EYA2: variants seen among roughly 807,000 people sequenced by gnomAD.
EYA2 encodes EYA transcriptional coactivator and phosphatase 2, also known as protein phosphatase EYA2.
In EYA2, 31 loss-of-function variants were observed where a neutral mutation model predicts 69.2. The ratio of observed to expected loss-of-function variants is 0.45; its 90% CI spans 0.34 to 0.60. The LOEUF (loss-of-function observed/expected upper bound fraction) is 0.60, where lower values mean the gene tolerates loss of function less well. Among genes scored for constraint, EYA2 ranks in the 20% least tolerant of loss-of-function variants. The pLI is 0.02. For synonymous variants in EYA2, 257 were observed against 279.4 expected (o/e 0.92, Z 0.80); for missense variants, 622 against 701.2 (o/e 0.89, Z 1.28).
chr20:47,044,380 A>C (rs762002070), intron 5 of EYA2, among the ~76,000 whole-genome samples: 4 of 152,234 alleles, frequency 2.6e-5, no homozygotes, highest in Admixed American at 2.0e-4. Flanking sequence ...CTAGAGATGC[A>C]TCTGTGGACA....
At chr20:46,960,498 G>T (rs142637637) in intron 1 of EYA2, among the ~76,000 whole-genome samples, 8 of 152,084 alleles carry the variant, frequency 5.3e-5, no homozygotes, top group African/African-American at 9.7e-5. Context: ...ATTCCCATTG[G>T]TGGATGAGGA....
intron 5 of EYA2, among the ~76,000 whole-genome samples, chr20:47,057,520 C>A (rs1033900966): frequency 6.6e-6 from 1 of 151,082 alleles, no homozygotes; most frequent in African/African-American, 2.4e-5. Context: ...ACCCCCCCCC[C>A]CCATCTCATA....
chr20:46,905,433 A>G (rs1173361839), intron 1 of EYA2, among the ~76,000 whole-genome samples: 1 of 152,234 alleles, frequency 6.6e-6, no homozygotes, highest in East Asian at 1.9e-4. Context: ...TTTCAATAGC[A>G]TCCTTCATCC....
At chr20:46,936,301 C>A (rs1233971241) in intron 1 of EYA2, among the ~76,000 whole-genome samples, 1 of 152,088 alleles carries the variant, frequency 6.6e-6, no homozygotes, top group East Asian at 1.9e-4. Context: ...CAAAACCCTG[C>A]CTGTACTAAA....
At position 47,118,215 on chromosome 20, in the gene EYA2, C is replaced by T. The variant is rs559989239; in HGVS notation, c.888+21047C>T. Among the ~76,000 whole-genome samples, 19 of 152,356 alleles carry T rather than the reference C, an allele frequency of 1.2e-4. No individual in the cohort carries two copies. The South Asian group carries it at 3.9e-3, about 32-fold the overall frequency. Reference sequence around the variant, plus strand: ...TTTCTTTCCCCCACTGGGGGTTAAACCTTGTATTTAAATCTCTCTTCCCCC... The same window carrying T: ...TTTCTTTCCCCCACTGGGGGTTAAATCTTGTATTTAAATCTCTCTTCCCCC... On this transcript the variant is annotated intron_variant, in intron 9 of 15. Coordinates refer to ENST00000327619, the MANE Select transcript of EYA2 (RefSeq NM_005244.5).
At chr20:47,155,368 G>A (rs1345911092) in intron 10 of EYA2, among the ~76,000 whole-genome samples, 1 of 151,956 alleles carries the variant, frequency 6.6e-6, no homozygotes, top group African/African-American at 2.4e-5. Flanking sequence ...TTCTAGAAAA[G>A]ACATGTTACT....
At chr20:47,001,561 C>T (rs1304178244) in intron 3 of EYA2, 88 bp downstream of exon 3, 1 of 1,371,222 alleles carries the variant, frequency 7.3e-7, no homozygotes, top group African/African-American at 1.4e-5. Context: ...GCCCTGGAGC[C>T]AGATTCCCTG....
chr20:46,962,263 G>A (rs1441935982), intron 1 of EYA2, among the ~76,000 whole-genome samples: 1 of 152,140 alleles, frequency 6.6e-6, no homozygotes, highest in Non-Finnish European at 1.5e-5. Flanking sequence ...TTGGTCTCAA[G>A]CGATCCTCCT....
At chr20:47,129,825 G>A (rs1177363530) in intron 9 of EYA2, among the ~76,000 whole-genome samples, 4 of 152,202 alleles carry the variant, frequency 2.6e-5, no homozygotes, top group Non-Finnish European at 4.4e-5. Flanking sequence ...GCAGGAGCAG[G>A]TGCATAGTAG....
At chr20:47,167,280 C>CA (rs2034219731) in intron 10 of EYA2, among the ~76,000 whole-genome samples, 1 of 111,728 alleles carries the variant, frequency 9.0e-6, no homozygotes, top group Non-Finnish European at 1.7e-5. Flanking sequence ...GGTTTTTTTA[C>CA]TTTTTTTTTT....
chr20:47,063,226 A>T (rs575955092), intron 5 of EYA2, among the ~76,000 whole-genome samples: 2 of 152,204 alleles, frequency 1.3e-5, no homozygotes, highest in South Asian at 4.2e-4. Flanking sequence ...CTAATACTCC[A>T]TCCCCCAGCC....
chr20:47,012,640 T>A (rs531485080), intron 4 of EYA2, among the ~76,000 whole-genome samples: 1 of 152,278 alleles, frequency 6.6e-6, no homozygotes, highest in South Asian at 2.1e-4. Context: ...ATTAGAGGTG[T>A]GCACCACCAC....
intron 1 of EYA2, among the ~76,000 whole-genome samples, chr20:46,910,645 C>A (rs1450500271): frequency 2.0e-5 from 3 of 152,212 alleles, no homozygotes; most frequent in Non-Finnish European, 4.4e-5. Flanking sequence ...GCCTGGATTT[C>A]TTTTTCTGCT....
At chr20:47,134,840 A>G (rs2033422288) in intron 9 of EYA2, among the ~76,000 whole-genome samples, 1 of 151,598 alleles carries the variant, frequency 6.6e-6, no homozygotes, top group Non-Finnish European at 1.5e-5. Flanking sequence ...ACAAAAACAG[A>G]CAACGGGCCG....
chr20:46,949,659 A>G (rs1244112799), intron 1 of EYA2, among the ~76,000 whole-genome samples: 1 of 152,244 alleles, frequency 6.6e-6, no homozygotes, highest in African/African-American at 2.4e-5. Context: ...CCTCTAAGGC[A>G]CATAGTAGGT....
Position 47,180,815 on chromosome 20 carries a change from G to A in EYA2, c.1314G>A (p.Arg438=), listed in dbSNP as rs771016342. 3.1e-6 allele frequency: 5 copies of A among 1,613,984 alleles called. No individual in the cohort carries two copies. In the East Asian group the frequency reaches 1.1e-4, roughly 36 times the overall value. ...SLKALNLINS[R]PNCVNVLVTT... ...GATCCACAGTCTCCTTTGTCCTTAG[G>A]CCCAACTGTGTCAATGTGCTGGTCA... Residue 438 remains arginine (R), a splice_region_variant and synonymous_variant, in exon 14 of 16, where the codon CGG becomes CGA. Coordinates refer to ENST00000327619, the MANE Select transcript of EYA2 (RefSeq NM_005244.5).
At chr20:47,124,879 A>AAC (rs201692241) in intron 9 of EYA2, among the ~76,000 whole-genome samples, 3,521 of 151,912 alleles carry the variant, frequency 0.023, 142 homozygotes, top group African/African-American at 0.081. Context: ...AAAGATTAAA[A>AAC]AAAAAAAAAT....
rs11472542 is a variant in EYA2 at position 47,154,819 on chromosome 20, T to TTGTGTGTGTGTGTGTGTG, written c.978+11695_978+11712dup. On this transcript the variant is annotated intron_variant, in intron 10 of 15. Transcript: ENST00000327619. Reference sequence around the variant, plus strand: ...TGATTTTGTTTTTGTTTATTTTGTTTTGTGTGTGTGTGTGTGTGTGTGTGT... The same window carrying TTGTGTGTGTGTGTGTGTG: ...TGATTTTGTTTTTGTTTATTTTGTTTTGTGTGTGTGTGTGTGTGTGTGTGTGTGTGTGTGTGTGTGTGT... Among the ~76,000 whole-genome samples, 29 of 140,886 alleles carry TTGTGTGTGTGTGTGTGTG rather than the reference T, an allele frequency of 2.1e-4. 1 individual carries two copies. The highest frequency in any genetic ancestry group is 1.0e-3 in the South Asian group (4 of 3,984). 92.4% of individuals were successfully genotyped at this position (140,886 alleles called of 152,430 possible).
chr20:47,039,950 C>T (rs1225599449), intron 5 of EYA2, among the ~76,000 whole-genome samples: 1 of 142,418 alleles, frequency 7.0e-6, no homozygotes, highest in South Asian at 2.2e-4. Flanking sequence ...AAGCGGTTCT[C>T]CTGCCTCAGC....
Sources: gnomAD v4.1 joint callset for allele counts (sites outside exome capture counted in the v4.1 genomes callset) on GRCh38, gnomAD v4.1.1 for gene constraint, MANE v1.5 for transcripts, NCBI Gene and HGNC (gene_info 2026-07-23, HGNC 2026-07-21) for gene names.